The following DNAAF8 variants were observed in gnomAD, a reference collection of about 807,000 sequenced individuals.
DNAAF8 encodes the protein dynein axonemal-associated protein 1.
A neutral mutation model predicts 54.6 loss-of-function variants in DNAAF8; 61 were observed. That is an observed-to-expected ratio of 1.12 (90% CI 0.91 to 1.38). DNAAF8 has a LOEUF of 1.38. Ranked by LOEUF, DNAAF8 falls within the 40% of genes most tolerant of loss-of-function variation. The pLI, the probability that DNAAF8 is intolerant of heterozygous loss-of-function variation, is 0.00. For synonymous variants in DNAAF8, 320 were observed against 270.1 expected (o/e 1.18, Z -1.81); for missense variants, 837 against 665.0 (o/e 1.26, Z -2.85).
At position 4,740,305 on chromosome 16, in the gene DNAAF8, C is replaced by T. The variant is rs777657805; in HGVS notation, c.429C>T (p.Pro143=). The change falls in exon 4 of 10, where the codon CCC becomes CCT. Residue 143 remains proline (P), a synonymous_variant. Transcript: ENST00000299320. ...VSALLGMAEE[P]PRWLEGDLGS... is the part of the protein sequence containing the mutation. Reference sequence around the variant, plus strand: ...CTCTTCTTGGGATGGCCGAGGAGCCCCCCAGGTGGCTGGAAGGCGACCTTG... The same window carrying T: ...CTCTTCTTGGGATGGCCGAGGAGCCTCCCAGGTGGCTGGAAGGCGACCTTG... 1 of 1,613,846 alleles carries T rather than the reference C, an allele frequency of 6.2e-7. No individual in the cohort carries two copies. Among genetic ancestry groups the T allele is most frequent in the Non-Finnish European group, 8.5e-7 (1 of 1,179,962 alleles).
chr16:4,745,108 G>A (rs2081997899), intron 6 of DNAAF8, 97 bp downstream of exon 6: 2 of 1,435,512 alleles, frequency 1.4e-6, no homozygotes, highest in African/African-American at 2.8e-5. Flanking sequence ...GGCACTCCAT[G>A]TGCATTTTCT....
Position 4,746,386 on chromosome 16 carries a change from G to A in DNAAF8, c.1055G>A (p.Arg352Lys), listed in dbSNP as rs2082017725. 1.9e-6 allele frequency: 3 copies of A among 1,612,210 alleles called. No individual in the cohort carries two copies. The highest frequency in any genetic ancestry group is 2.5e-6 in the Non-Finnish European group (3 of 1,179,442). The part of the protein sequence containing the change: ...EADSGSRCAS[R>K]KQGSQAGPGP... ...TTTTCTCATTTCAGATGTGCCTCAA[G>A]GAAGCAGGGCTCCCAGGCTGGGCCA... Residue 352 changes from arginine (R) to lysine (K), a missense_variant, in exon 7 of 10, where the codon AGG (arginine) becomes AAG (lysine). By Grantham distance (26) the Arg-to-Lys change is conservative. Coordinates refer to ENST00000299320, the MANE Select transcript of DNAAF8 (RefSeq NM_139170.3).
chr16:4,740,809 G>C (rs1379664904), intron 4 of DNAAF8, 150 bp downstream of exon 4: 1 of 1,038,850 alleles, frequency 9.6e-7, no homozygotes, highest in Non-Finnish European at 1.4e-6. Flanking sequence ...TGTCTCAGTA[G>C]AGGGGTGGAG....
intron 2 of DNAAF8, among the ~76,000 whole-genome samples, chr16:4,736,867 G>C (rs971145341): frequency 2.0e-5 from 3 of 152,146 alleles, no homozygotes; most frequent in African/African-American, 7.2e-5. Flanking sequence ...CTCTGAGCAT[G>C]GGTATTGGTG....
At chr16:4,738,846 T>C (rs2081925617) in intron 3 of DNAAF8, among the ~76,000 whole-genome samples, 2 of 151,672 alleles carry the variant, frequency 1.3e-5, no homozygotes, top group Non-Finnish European at 2.9e-5. Flanking sequence ...ATCACACCAC[T>C]GCACACTCCA....
Position 4,747,000 on chromosome 16 carries a change from G to A in DNAAF8, c.1255G>A (p.Ala419Thr), listed in dbSNP as rs145198112. Reference sequence around the variant, plus strand: ...GGCAGCTCTGGGAGACGCAGAGGGGGCATCTCCTTCCTCCCTGGGGCTACG... The same window carrying A: ...GGCAGCTCTGGGAGACGCAGAGGGGACATCTCCTTCCTCCCTGGGGCTACG... Reference protein sequence around the residue: ...EMAALGDAEGASPSSLGLRTC... With the variant: ...EMAALGDAEGTSPSSLGLRTC... The change falls in exon 8 of 10, where the codon GCA becomes ACA. Residue 419 changes from alanine (A) to threonine (T), a missense_variant. Coordinates refer to ENST00000299320, the MANE Select transcript of DNAAF8 (RefSeq NM_139170.3). 523 of 1,538,936 alleles carry A rather than the reference G, an allele frequency of 3.4e-4. 4 individuals are homozygous for A. Among genetic ancestry groups the A allele is most frequent in the Middle Eastern group, 1.7e-4 (1 of 5,760 alleles).
intron 1 of DNAAF8, among the ~76,000 whole-genome samples, chr16:4,736,127 A>G (rs577997633): frequency 9.2e-5 from 14 of 152,304 alleles, no homozygotes; most frequent in African/African-American, 3.4e-4. Flanking sequence ...ATATACCTAT[A>G]TATCATTATA....
Position 4,746,452 on chromosome 16 carries a change from C to A in DNAAF8, c.1121C>A (p.Ser374Tyr), listed in dbSNP as rs375179420. ...LAQGMRLNAE[S>Y]PTIFIDLRQM... ...CAGGGCATGAGGCTTAACGCAGAGT[C>A]CCCCACCATCTTTATTGACCTGCGG... The change falls in exon 7 of 10, where the codon TCC (serine) becomes TAC (tyrosine). Residue 374 changes from serine (S) to tyrosine (Y), a missense_variant. By Grantham distance (144) the Ser-to-Tyr change is moderately radical (BLOSUM62 -2). Transcript: ENST00000299320. The A allele has an allele frequency of 4.9e-5, 79 of 1,613,578 alleles. No homozygotes were observed. The highest frequency in any genetic ancestry group is 6.2e-5 in the Non-Finnish European group (73 of 1,179,926).
intron 6 of DNAAF8, 61 bp from the exon 7 acceptor site, chr16:4,746,314 G>A: frequency 1.3e-6 from 2 of 1,529,956 alleles, no homozygotes; most frequent in African/African-American, 1.4e-5. Flanking sequence ...GACAAACCCA[G>A]CGCAGGTCAC....
intron 3 of DNAAF8, among the ~76,000 whole-genome samples, chr16:4,739,283 T>C (rs1022432289): frequency 7.0e-6 from 1 of 143,786 alleles, no homozygotes; most frequent in Admixed American, 7.0e-5. Context: ...TTTTTTTTTT[T>C]TTTGTAATGT....
intron 3 of DNAAF8, among the ~76,000 whole-genome samples, chr16:4,739,265 G>GTTTTTTTTTTTTGTTTTTTTTTTTT (rs2081931962): frequency 1.4e-5 from 1 of 69,030 alleles, no homozygotes; most frequent in Non-Finnish European, 2.6e-5. Context: ...ATTTTTTCTT[G>GTTTTTTTTTTTTGTTTTTTTTTTTT]TTTTTTTTTT....
intron 4 of DNAAF8, among the ~76,000 whole-genome samples, chr16:4,742,006 A>G (rs1315996908): frequency 2.0e-5 from 3 of 152,182 alleles, no homozygotes; most frequent in African/African-American, 7.2e-5. Flanking sequence ...GTTTAAATCA[A>G]CCGTTCTTTC....
Position 4,736,598 on chromosome 16 carries a change from G to A in DNAAF8, c.84G>A (p.Lys28=), listed in dbSNP as rs199771490. 1.9e-6 allele frequency: 3 copies of A among 1,589,216 alleles called. No homozygotes were observed. Among genetic ancestry groups the A allele is most frequent in the African/African-American group, 2.7e-5 (2 of 74,586 alleles). Reference sequence around the variant, plus strand: ...TGGGGCCCTGGGATGCCATCCTCAAGGCTGTCAAAGACCAGCTCCCGTCTC... The same window carrying A: ...TGGGGCCCTGGGATGCCATCCTCAAAGCTGTCAAAGACCAGCTCCCGTCTC... ...SQMGPWDAIL[K]AVKDQLPSLD... is the part of the protein sequence containing the mutation. Residue 28 remains lysine (K), a synonymous_variant, in exon 2 of 10, where the codon AAG becomes AAA. Coordinates refer to ENST00000299320, the MANE Select transcript of DNAAF8 (RefSeq NM_139170.3).
chr16:4,737,698 C>G, intron 2 of DNAAF8, 102 bp from the exon 3 acceptor site: 1 of 1,423,962 alleles, frequency 7.0e-7, no homozygotes, highest in Middle Eastern at 2.5e-4. Flanking sequence ...GCTGGGCGGG[C>G]TGGGCTGGAA....
At chr16:4,738,123 T>G in intron 3 of DNAAF8, 177 bp downstream of exon 3, 2 of 782,684 alleles carry the variant, frequency 2.6e-6, no homozygotes, top group Non-Finnish European at 2.0e-6. Flanking sequence ...CGCACCTCCC[T>G]CTCCTGGGGA....
intron 7 of DNAAF8, 125 bp downstream of exon 7, chr16:4,746,637 C>T: frequency 1.5e-6 from 2 of 1,301,368 alleles, no homozygotes; most frequent in Non-Finnish European, 2.1e-6. Context: ...GATCAATTCT[C>T]AATTGAAAAG....
chr16:4,746,837 A>G, intron 7 of DNAAF8, 90 bp from the exon 8 acceptor site: 1 of 1,244,310 alleles, frequency 8.0e-7, no homozygotes, highest in South Asian at 1.6e-5. Context: ...GCATTGGGTC[A>G]CCAGCAAAGC....
intron 4 of DNAAF8, among the ~76,000 whole-genome samples, chr16:4,742,063 G>A (rs551774984): frequency 1.3e-5 from 2 of 152,294 alleles, no homozygotes; most frequent in African/African-American, 4.8e-5. Context: ...GCTGCAAAGA[G>A]TTGAAAGGTC....
Position 4,736,544 on chromosome 16 carries a change from C to G in DNAAF8, c.30C>G (p.Pro10=). MASNDKGMA[P]SLGSPWASQM... ...CATCCAACGATAAAGGCATGGCACC[C>G]TCGCTGGGCTCTCCCTGGGCCTCCC... The change falls in exon 2 of 10, where the codon CCC becomes CCG. Residue 10 remains proline, a synonymous_variant. Coordinates refer to ENST00000299320, the MANE Select transcript of DNAAF8 (RefSeq NM_139170.3). The G allele has an allele frequency of 6.4e-7, 1 of 1,573,212 alleles. No homozygotes were observed. The highest frequency in any genetic ancestry group is 8.7e-7 in the Non-Finnish European group (1 of 1,154,016).
Sources: gnomAD v4.1 joint callset for allele counts (sites outside exome capture counted in the v4.1 genomes callset) on GRCh38, gnomAD v4.1.1 for gene constraint, MANE v1.5 for transcripts, NCBI Gene and HGNC (gene_info 2026-07-23, HGNC 2026-07-21) for gene names.